Variants in UPF2 observed in about 807,000 individuals in gnomAD.
UPF2 encodes the protein regulator of nonsense transcripts 2.
In UPF2, 17 loss-of-function variants were observed where a neutral mutation model predicts 141.4. The observed-to-expected ratio is 0.12, with a 90% CI of 0.08 to 0.18. The LOEUF is 0.18. UPF2 is among the 10% of genes least tolerant of loss of function. The pLI is 1.00. For synonymous variants in UPF2, 540 were observed against 498.0 expected (o/e 1.08, Z -1.12); for missense variants, 1,152 against 1,515.9 (o/e 0.76, Z 3.99).
At chr10:11,996,705 T>C (rs573095585) in intron 8 of UPF2, among the ~76,000 whole-genome samples, 1 of 152,316 alleles carries the variant, frequency 6.6e-6, no homozygotes, top group East Asian at 1.9e-4. Flanking sequence ...ATTACATAAT[T>C]CTTAATTACC....
intron 3 of UPF2, among the ~76,000 whole-genome samples, chr10:12,017,129 A>G (rs1772977049): frequency 6.6e-6 from 1 of 152,144 alleles, no homozygotes; most frequent in South Asian, 2.1e-4. Flanking sequence ...AAGAACAAAA[A>G]CCGAAGAGTT....
At chr10:11,957,243 A>G (rs1471694825) in intron 12 of UPF2, among the ~76,000 whole-genome samples, 2 of 152,036 alleles carry the variant, frequency 1.3e-5, no homozygotes, top group South Asian at 2.1e-4. Context: ...AGCCTGGCCA[A>G]CATGGCAAAA....
At chr10:11,996,875 A>G (rs564053924) in intron 8 of UPF2, among the ~76,000 whole-genome samples, 4 of 152,314 alleles carry the variant, frequency 2.6e-5, no homozygotes, top group African/African-American at 4.8e-5. Flanking sequence ...CCATCAATGA[A>G]TGAACCACAT....
chr10:11,949,142 T>A (rs1439668345), intron 15 of UPF2, among the ~76,000 whole-genome samples: 1 of 152,220 alleles, frequency 6.6e-6, no homozygotes, highest in Non-Finnish European at 1.5e-5. Flanking sequence ...CACATTTCAC[T>A]GCCCAGTCAA....
At chr10:12,022,794 G>A (rs1175568114) in intron 3 of UPF2, among the ~76,000 whole-genome samples, 1 of 152,116 alleles carries the variant, frequency 6.6e-6, no homozygotes, top group African/African-American at 2.4e-5. Context: ...TGGCTGATGT[G>A]TTTTTAAGTT....
intron 2 of UPF2, among the ~76,000 whole-genome samples, chr10:12,034,413 G>A (rs2131315086): frequency 6.6e-6 from 1 of 151,922 alleles, no homozygotes; most frequent in South Asian, 2.1e-4. Flanking sequence ...ACCTCCACCT[G>A]CTAGGTTCAA....
intron 2 of UPF2, among the ~76,000 whole-genome samples, chr10:12,030,757 G>A (rs1163656070): frequency 6.6e-6 from 1 of 150,984 alleles, no homozygotes; most frequent in East Asian, 2.0e-4. Flanking sequence ...GGTTGCACGC[G>A]CCTGTAGTCC....
intron 3 of UPF2, chr10:12,026,564 G>A: frequency 2.3e-6 from 1 of 438,982 alleles, no homozygotes; most frequent in Non-Finnish European, 4.5e-6. Context: ...CTGTGGTAAA[G>A]GGCCACCTTT....
intron 9 of UPF2, among the ~76,000 whole-genome samples, chr10:11,973,084 T>C (rs1336188713): frequency 6.6e-6 from 1 of 152,218 alleles, no homozygotes; most frequent in Non-Finnish European, 1.5e-5. Flanking sequence ...TTCTAACTGG[T>C]GTGAGATGGT....
At chr10:11,994,096 A>G (rs1191321787) in intron 8 of UPF2, among the ~76,000 whole-genome samples, 1 of 152,168 alleles carries the variant, frequency 6.6e-6, no homozygotes, top group Non-Finnish European at 1.5e-5. Flanking sequence ...AAAAGAAGAA[A>G]TTAATAAAGA....
chr10:11,969,294 C>T (rs924231700), intron 9 of UPF2, among the ~76,000 whole-genome samples: 13 of 151,792 alleles, frequency 8.6e-5, no homozygotes, highest in East Asian at 7.7e-4. Flanking sequence ...CTCAGCCTCC[C>T]GAGTACCTGG....
rs1204744093 is a variant in UPF2 at position 11,938,842 on chromosome 10, G to GTTTTTTTTTTT, written c.3379-2131_3379-2130insAAAAAAAAAAA. 7.6e-4 allele frequency among the ~76,000 whole-genome samples: 35 copies of GTTTTTTTTTTT among 45,862 alleles called. 3 individuals are homozygous for GTTTTTTTTTTT. The highest frequency in any genetic ancestry group is 1.7e-3 in the African/African-American group (24 of 14,234). 30.1% of individuals were successfully genotyped at this position (45,862 alleles called of 152,430 possible). A position where few individuals can be genotyped will look rare whatever the true frequency, so the allele number is the denominator to read the frequency against. The stretch of plus-strand genomic sequence containing the variant: ...GTCCTAGCCATGTGGTCTTAAGCAA[G>GTTTTTTTTTTT]TTTTTTTTTTGTTTTTTTTTTTTTT... On this transcript the variant is annotated intron_variant, in intron 18 of 21. Transcript: ENST00000357604.
At chr10:11,937,040 T>C (rs1832861482) in intron 18 of UPF2, among the ~76,000 whole-genome samples, 1 of 152,218 alleles carries the variant, frequency 6.6e-6, no homozygotes, top group Non-Finnish European at 1.5e-5. Flanking sequence ...CACCCTTCTA[T>C]TCATCCTCCT....
At chr10:11,930,450 A>G (rs781214223) in intron 20 of UPF2, among the ~76,000 whole-genome samples, 2 of 152,244 alleles carry the variant, frequency 1.3e-5, no homozygotes, top group Non-Finnish European at 2.9e-5. Flanking sequence ...GTGTCTGGCC[A>G]AAGAGTAAGC....
Position 11,935,351 on chromosome 10 carries a change from G to T in UPF2, c.3546+1194C>A, listed in dbSNP as rs1832836333. Among the ~76,000 whole-genome samples, 1 of 152,180 alleles carries T rather than the reference G, an allele frequency of 6.6e-6. No individual in the cohort carries two copies. Among genetic ancestry groups the T allele is most frequent in the Non-Finnish European group, 1.5e-5 (1 of 68,028 alleles). On this transcript the variant is annotated intron_variant, in intron 19 of 21. Coordinates refer to ENST00000357604, the MANE Select transcript of UPF2 (RefSeq NM_015542.4). This position sits in a 1 kb window ranked among gnomAD's most constrained non-coding sequence, Gnocchi z 4.9. ...TTCTGCACACAGAAGTGCCTGGTGT[G>T]TAGCAGGTAAATAATAAATACTTGT... is the stretch of plus-strand genomic sequence containing the variant.
intron 5 of UPF2, among the ~76,000 whole-genome samples, chr10:12,002,562 A>G (rs1367960778): frequency 1.3e-5 from 2 of 152,222 alleles, no homozygotes; most frequent in African/African-American, 2.4e-5. Flanking sequence ...TTAACTTAGC[A>G]GCAATATATA....
At chr10:11,981,597 C>G (rs2131231498) in intron 8 of UPF2, among the ~76,000 whole-genome samples, 1 of 152,290 alleles carries the variant, frequency 6.6e-6, no homozygotes, top group Middle Eastern at 3.4e-3. Flanking sequence ...CAATTAAAGT[C>G]TAAGCTGCTG....
intron 12 of UPF2, among the ~76,000 whole-genome samples, chr10:11,957,239 G>A (rs1397164539): frequency 6.6e-6 from 1 of 151,988 alleles, no homozygotes; most frequent in African/African-American, 2.4e-5. Flanking sequence ...GACTAGCCTG[G>A]CCAACATGGC....
At chr10:11,967,201 A>T (rs900320671) in intron 10 of UPF2, 140 bp downstream of exon 10, 4 of 485,068 alleles carry the variant, frequency 8.2e-6, no homozygotes, top group Non-Finnish European at 1.4e-5. Context: ...TATTTTGCAC[A>T]CTTGTTTAAC....
Sources: allele counts gnomAD v4.1 joint callset (sites outside exome capture counted in the v4.1 genomes callset), GRCh38; gene constraint gnomAD v4.1.1; non-coding constraint Gnocchi (gnomAD v3.1); transcripts MANE v1.5; gene names NCBI Gene and HGNC (gene_info 2026-07-23, HGNC 2026-07-21).